Variants in ELFN2 observed in about 807,000 individuals in gnomAD.
The protein encoded by ELFN2 is protein phosphatase 1 regulatory subunit 29.
In ELFN2, 17 loss-of-function variants were observed where a neutral mutation model predicts 45.5. The observed-to-expected ratio is 0.37, with a 90% confidence interval of 0.26 to 0.56. ELFN2 has a LOEUF of 0.56. Ranked by LOEUF, ELFN2 falls within the 20% of genes least tolerant of loss-of-function variation. The probability of loss-of-function intolerance (pLI) is 0.77; values close to 1 mark genes in which losing one functional copy is unlikely to be tolerated. For synonymous variants in ELFN2, 550 were observed against 551.5 expected (o/e 1.00, Z 0.04); for missense variants, 922 against 1,183.2 (o/e 0.78, Z 3.24).
chr22:37,419,845 C>A (rs914155303), intron 1 of ELFN2, among the ~76,000 whole-genome samples: 1 of 152,140 alleles, frequency 6.6e-6, no homozygotes, highest in Non-Finnish European at 1.5e-5. Flanking sequence ...ACACACACCC[C>A]CTCGCCAGCA....
downstream of ELFN2, among the ~76,000 whole-genome samples, chr22:37,366,927 C>A (rs897019424): frequency 6.6e-6 from 1 of 152,156 alleles, no homozygotes; most frequent in Admixed American, 6.5e-5. Context: ...CAGAGGGTCC[C>A]CAGAGTACAA....
At chr22:37,379,227 G>C (rs577228725) in intron 2 of ELFN2, among the ~76,000 whole-genome samples, 4 of 152,178 alleles carry the variant, frequency 2.6e-5, no homozygotes, top group Admixed American at 1.3e-4. Flanking sequence ...CAGGGGACAC[G>C]GGCACCTGCT....
At chr22:37,423,119 A>C (rs1164738953) in intron 1 of ELFN2, among the ~76,000 whole-genome samples, 1 of 151,776 alleles carries the variant, frequency 6.6e-6, no homozygotes, top group Non-Finnish European at 1.5e-5. Context: ...TCCTGGGGCA[A>C]CCTCCCCACT....
In ELFN2 at chr22:37,368,303, G is replaced by GT. The variant is rs1931255468; in HGVS notation, c.*4768dup. The GT allele has an allele frequency of 6.6e-6, 1 of 152,404 alleles. No homozygotes were observed. Among genetic ancestry groups the GT allele is most frequent in the African/African-American group, 2.4e-5 (1 of 41,446 alleles). 9.4% of individuals were successfully genotyped at this position (152,404 alleles called of 1,614,324 possible). A position where few individuals can be genotyped will look rare whatever the true frequency, so the allele number is the denominator to read the frequency against. On this transcript the variant is annotated 3_prime_UTR_variant, in exon 3 of 3. Coordinates refer to ENST00000402918, the MANE Select transcript of ELFN2 (RefSeq NM_052906.5). ...CTGAGGAAGGGAGGGAGGGAGGGAA[G>GT]TGTGGCCGCCACTGCAGGAACTCCA...
At chr22:37,413,075 AGGGGCTGCT>A (rs1410730484) in intron 2 of ELFN2, among the ~76,000 whole-genome samples, 1 of 152,152 alleles carries the variant, frequency 6.6e-6, no homozygotes, top group African/African-American at 2.4e-5. Flanking sequence ...CCTATGCTGC[AGGGGCTGCT>A]GTGGCCACAG....
intron 1 of ELFN2, chr22:37,354,149 C>T (rs545329138): frequency 3.3e-5 from 5 of 152,330 alleles, no homozygotes; most frequent in African/African-American, 4.8e-5. Flanking sequence ...CAAGCGAGGA[C>T]GTCGGGCAGA....
intron 1 of ELFN2, among the ~76,000 whole-genome samples, chr22:37,421,099 C>G (rs1050252303): frequency 6.6e-6 from 1 of 152,180 alleles, no homozygotes; most frequent in Non-Finnish European, 1.5e-5. Flanking sequence ...GATTCTAATG[C>G]TCCCTGACAA....
At chr22:37,379,188 T>G (rs968744) in intron 2 of ELFN2, among the ~76,000 whole-genome samples, 59,882 of 152,014 alleles carry the variant, frequency 0.39, 12,201 homozygotes, top group Admixed American at 0.57. Context: ...CCGACGGCAG[T>G]GAGCTATCTA....
chr22:37,404,803 A>C (rs557193705), intron 2 of ELFN2, among the ~76,000 whole-genome samples: 1 of 152,244 alleles, frequency 6.6e-6, no homozygotes, highest in Admixed American at 6.5e-5. Context: ...CAAAGCCCGA[A>C]CCCAACACCT....
At chr22:37,361,791 G>A (rs1034600512) in intron 1 of ELFN2, among the ~76,000 whole-genome samples, 4 of 152,126 alleles carry the variant, frequency 2.6e-5, no homozygotes, top group Admixed American at 6.5e-5. Flanking sequence ...GTACCTTCAC[G>A]ATGACCTCTA....
intron 1 of ELFN2, among the ~76,000 whole-genome samples, chr22:37,344,743 C>T (rs1040325498): frequency 1.3e-5 from 2 of 152,266 alleles, no homozygotes; most frequent in African/African-American, 4.8e-5. Context: ...CGAAGGCTGA[C>T]CTCTGCAAAC....
chr22:37,403,535 C>T (rs555863045), intron 2 of ELFN2, among the ~76,000 whole-genome samples: 2 of 152,316 alleles, frequency 1.3e-5, no homozygotes, highest in East Asian at 3.9e-4. Context: ...GCGGTTTGGG[C>T]TCCCGGGTGT....
chr22:37,381,278 G>A (rs1303778357), intron 2 of ELFN2, among the ~76,000 whole-genome samples: 1 of 151,628 alleles, frequency 6.6e-6, no homozygotes, highest in East Asian at 1.9e-4. Context: ...ACCATGGCAG[G>A]GGCGGGACAT....
At position 37,373,164 on chromosome 22, in the gene ELFN2, C is replaced by A; in HGVS notation, c.2371G>T (p.Ala791Ser). The change falls in exon 3 of 3, where the codon GCC (alanine) becomes TCC (serine). Residue 791 changes from alanine (A) to serine (S), a missense_variant. Coordinates refer to ENST00000402918, the MANE Select transcript of ELFN2 (RefSeq NM_052906.5). Reference protein sequence around the residue: ...REEVYMAAGHALRKKVQFAKD... With the variant: ...REEVYMAAGHSLRKKVQFAKD... Reference sequence around the variant, plus strand: ...GCGAACTGGACCTTCTTGCGCAGGGCGTGACCGGCGGCCATGTACACCTCC... The same window carrying A: ...GCGAACTGGACCTTCTTGCGCAGGGAGTGACCGGCGGCCATGTACACCTCC... 1 of 1,613,778 alleles carries A rather than the reference C, an allele frequency of 6.2e-7. No homozygotes were observed. Among genetic ancestry groups the A allele is most frequent in the Non-Finnish European group, 8.5e-7 (1 of 1,179,976 alleles).
rs568828697 is a variant in ELFN2 at position 37,374,136 on chromosome 22, C to G, written c.1399G>C (p.Val467Leu). 1 of 1,612,794 alleles carries G rather than the reference C, an allele frequency of 6.2e-7. No homozygotes were observed. The highest frequency in any genetic ancestry group is 8.5e-7 in the Non-Finnish European group (1 of 1,180,028). Residue 467 changes from valine to leucine, a missense_variant, in exon 3 of 3, where the codon GTA becomes CTA. This residue lies in a region of ELFN2 where 564 missense variants were observed against 642.8 expected (regional missense o/e 0.88). Coordinates refer to ENST00000402918, the MANE Select transcript of ELFN2 (RefSeq NM_052906.5). ...GAGGGGATGGAGGCCATGCGAGATA[C>G]GGGCAGCACGGGAGGCTCGCCCAGC... Reference protein sequence around the residue: ...QKLGEPPVLPVSRMASIPSMI... With the variant: ...QKLGEPPVLPLSRMASIPSMI...
intron 2 of ELFN2, among the ~76,000 whole-genome samples, chr22:37,386,494 G>A (rs893872491): frequency 6.6e-6 from 1 of 152,154 alleles, no homozygotes; most frequent in African/African-American, 2.4e-5. Flanking sequence ...CTAACCAGGC[G>A]ATCGCAAGGG....
intron 1 of ELFN2, among the ~76,000 whole-genome samples, chr22:37,358,155 C>T (rs1299270727): frequency 6.6e-6 from 1 of 152,148 alleles, no homozygotes; most frequent in Non-Finnish European, 1.5e-5. Flanking sequence ...AGAACCCTCA[C>T]CTCCCCCAGG....
chr22:37,425,227 G>T (rs1191410754), intron 1 of ELFN2, among the ~76,000 whole-genome samples: 1 of 152,218 alleles, frequency 6.6e-6, no homozygotes, highest in Non-Finnish European at 1.5e-5. Flanking sequence ...GGGGAGGTCA[G>T]ATAGGGGGCT....
rs1177630150 is a variant in ELFN2 at position 37,374,530 on chromosome 22, G to A, written c.1005C>T (p.Asp335=). The A allele has an allele frequency of 5.0e-6, 8 of 1,614,114 alleles. No individual in the cohort carries two copies. The highest frequency in any genetic ancestry group is 1.3e-5 in the African/African-American group (1 of 74,938). ...LVQYNNSYFS[D]VMTLKNKKEI... ...CCTTCTTGTTCTTGAGGGTCATGAC[G>A]TCGGAGAAGTAGCTGTTGTTGTACT... Residue 335 remains aspartate, a synonymous_variant, in exon 3 of 3, where the codon GAC becomes GAT. Coordinates refer to ENST00000402918, the MANE Select transcript of ELFN2 (RefSeq NM_052906.5).
Sources: allele counts gnomAD v4.1 joint callset (sites outside exome capture counted in the v4.1 genomes callset), GRCh38; gene constraint gnomAD v4.1.1; regional missense constraint gnomAD v4.1.1; transcripts MANE v1.5; gene names NCBI Gene and HGNC (gene_info 2026-07-23, HGNC 2026-07-21).